MALRD1: variants seen among roughly 807,000 people sequenced by gnomAD.
The protein encoded by MALRD1 is MAM and LDL-receptor class A domain-containing protein 1.
In MALRD1, 247 loss-of-function variants were observed where a neutral mutation model predicts 242.1. The observed-to-expected ratio is 1.02, with a 90% CI of 0.92 to 1.13. The LOEUF (loss-of-function observed/expected upper bound fraction) is 1.13. MALRD1 is among the 50% of genes most tolerant of loss of function. The pLI, the probability that MALRD1 is intolerant of heterozygous loss-of-function variation, is 0.00. For missense variants in MALRD1, 2,989 were observed against 2,533.1 expected, an observed-to-expected ratio of 1.18 and a Z score of -3.86; for synonymous variants, 995 against 866.6, an observed-to-expected ratio of 1.15 and a Z score of -2.60.
chr10:19,575,502 CACACACACACAA>C (rs1049521164), intron 33 of MALRD1, among the ~76,000 whole-genome samples: 10 of 151,994 alleles, frequency 6.6e-5, no homozygotes, highest in African/African-American at 2.4e-4. Flanking sequence ...CACACACACA[CACACACACACAA>C]ACACACACTT....
At chr10:19,349,241 G>A (rs1199986428) in intron 25 of MALRD1, among the ~76,000 whole-genome samples, 1 of 152,288 alleles carries the variant, frequency 6.6e-6, no homozygotes, top group Admixed American at 6.5e-5. Flanking sequence ...GATTACAGGC[G>A]TGAGCCCCTG....
At chr10:19,171,370 A>G (rs1055250836) in intron 13 of MALRD1, among the ~76,000 whole-genome samples, 23 of 148,872 alleles carry the variant, frequency 1.5e-4, no homozygotes, top group Non-Finnish European at 2.2e-4. Flanking sequence ...ACTGATTACC[A>G]ATTGATGCTG....
At chr10:19,414,340 G>C (rs1833415578) in intron 28 of MALRD1, among the ~76,000 whole-genome samples, 1 of 152,118 alleles carries the variant, frequency 6.6e-6, no homozygotes, top group Admixed American at 6.6e-5. Flanking sequence ...CAACCTATGT[G>C]ATAAATTTTA....
At chr10:19,071,131 G>A (rs577016389) in intron 2 of MALRD1, among the ~76,000 whole-genome samples, 23 of 152,098 alleles carry the variant, frequency 1.5e-4, no homozygotes, top group Admixed American at 5.9e-4. Context: ...GATTATAGGC[G>A]TGAGTCACCA....
chr10:19,635,434 G>T (rs1203978603), intron 36 of MALRD1, among the ~76,000 whole-genome samples: 1 of 151,888 alleles, frequency 6.6e-6, no homozygotes, highest in African/African-American at 2.4e-5. Context: ...GCTGATTAAA[G>T]AAAAATTAGG....
At chr10:19,662,651 G>A (rs1182722530) in intron 36 of MALRD1, among the ~76,000 whole-genome samples, 1 of 152,064 alleles carries the variant, frequency 6.6e-6, no homozygotes, top group Non-Finnish European at 1.5e-5. Context: ...AGAAAAGTCA[G>A]GTTTTTAAAT....
intron 38 of MALRD1, among the ~76,000 whole-genome samples, chr10:19,693,978 G>A (rs1318645783): frequency 1.3e-5 from 2 of 152,030 alleles, no homozygotes; most frequent in East Asian, 3.9e-4. Context: ...AATGGGGAAA[G>A]GATTCCCTAT....
At chr10:19,067,295 T>G (rs2131244878) in intron 2 of MALRD1, among the ~76,000 whole-genome samples, 1 of 152,310 alleles carries the variant, frequency 6.6e-6, no homozygotes, top group African/African-American at 2.4e-5. Context: ...AAAGCTCTGC[T>G]GAACTGCTCT....
At chr10:19,123,348 A>G (rs1426301983) in intron 5 of MALRD1, 144 bp from the exon 6 acceptor site, 3 of 392,000 alleles carry the variant, frequency 7.7e-6, no homozygotes, top group African/African-American at 6.2e-5. Context: ...AGAAAGAGAT[A>G]GGGTTACCTA....
At chr10:19,225,491 A>G (rs2131677232) in intron 18 of MALRD1, among the ~76,000 whole-genome samples, 1 of 150,276 alleles carries the variant, frequency 6.7e-6, no homozygotes, top group South Asian at 2.1e-4. Flanking sequence ...ATATGTGCAA[A>G]TAGAAACATG....
intron 34 of MALRD1, among the ~76,000 whole-genome samples, chr10:19,595,762 T>G (rs1345250499): frequency 6.6e-6 from 1 of 152,168 alleles, no homozygotes; most frequent in Non-Finnish European, 1.5e-5. Context: ...TTTATGGAAG[T>G]GGTGTGAGAA....
chr10:19,225,238 C>T (rs149273824), intron 18 of MALRD1, among the ~76,000 whole-genome samples: 13 of 152,250 alleles, frequency 8.5e-5, no homozygotes, highest in African/African-American at 3.1e-4. Flanking sequence ...AGAATATTTA[C>T]TGATCCTTGA....
intron 33 of MALRD1, among the ~76,000 whole-genome samples, chr10:19,584,478 A>T (rs930405076): frequency 3.9e-5 from 6 of 152,004 alleles, no homozygotes; most frequent in African/African-American, 1.5e-4. Flanking sequence ...TCATTTCGTT[A>T]TGTACCCAGT....
intron 29 of MALRD1, among the ~76,000 whole-genome samples, chr10:19,463,678 G>A (rs748658027): frequency 3.3e-5 from 5 of 152,094 alleles, no homozygotes; most frequent in South Asian, 4.2e-4. Flanking sequence ...ATAAACATGC[G>A]TGTGCAAGTA....
chr10:19,052,227 C>A lies in MALRD1; in HGVS notation c.199+3090C>A, dbSNP rs1322121069. On this transcript the variant is annotated intron_variant, in intron 1 of 39. Coordinates refer to ENST00000454679, the MANE Select transcript of MALRD1 (RefSeq NM_001142308.3). ...AAAAACCACAGGCCCTTCCCCTTTCCCCCCATTCAATTTAAGTAGTCTTCA... is the reference window on the plus strand; with the variant it reads ...AAAAACCACAGGCCCTTCCCCTTTCACCCCATTCAATTTAAGTAGTCTTCA... 2.7e-5 allele frequency: 7 copies of A among 254,876 alleles called. No individual in the cohort carries two copies. In the East Asian group the frequency reaches 3.1e-4, roughly 11 times the overall value. 15.8% of individuals were successfully genotyped at this position (254,876 alleles called of 1,614,324 possible).
chr10:19,057,597 G>C (rs1053741613), intron 1 of MALRD1, among the ~76,000 whole-genome samples: 2 of 152,142 alleles, frequency 1.3e-5, no homozygotes, highest in Non-Finnish European at 1.5e-5. Context: ...TAAATATGTA[G>C]AGCCTATTGG....
intron 28 of MALRD1, among the ~76,000 whole-genome samples, chr10:19,433,989 G>A (rs1490204317): frequency 6.6e-6 from 1 of 152,190 alleles, no homozygotes; most frequent in African/African-American, 2.4e-5. Flanking sequence ...TGAGTTTATG[G>A]TTCTGTAATT....
At chr10:19,335,378 CAT>C (rs2130935456) in intron 24 of MALRD1, among the ~76,000 whole-genome samples, 1 of 152,130 alleles carries the variant, frequency 6.6e-6, no homozygotes, top group South Asian at 2.1e-4. Flanking sequence ...TTTCTTTTAA[CAT>C]AGCATTGCTA....
intron 11 of MALRD1, among the ~76,000 whole-genome samples, chr10:19,150,506 G>C (rs922248779): frequency 6.6e-6 from 1 of 152,084 alleles, no homozygotes; most frequent in African/African-American, 2.4e-5. Context: ...TCTCCCCAAA[G>C]CACCGACTCT....
Sources: allele counts gnomAD v4.1 joint callset (sites outside exome capture counted in the v4.1 genomes callset), GRCh38; gene constraint gnomAD v4.1.1; transcripts MANE v1.5; gene names NCBI Gene and HGNC (gene_info 2026-07-23, HGNC 2026-07-21).